The following ASTN2 variants were observed in gnomAD, a reference collection of about 807,000 sequenced individuals.
The protein encoded by ASTN2 is astrotactin-2.
A neutral mutation model predicts 139.8 loss-of-function variants in ASTN2; 54 were observed. The ratio of observed to expected loss-of-function variants is 0.39; its 90% CI spans 0.31 to 0.48. The LOEUF (loss-of-function observed/expected upper bound fraction) is 0.48. Ranked by LOEUF, ASTN2 falls within the 20% of genes least tolerant of loss-of-function variation. ASTN2 has a pLI of 0.95. For synonymous variants in ASTN2, 756 were observed against 719.5 expected (o/e 1.05, Z -0.81); for missense variants, 1,565 against 1,725.1 (o/e 0.91, Z 1.64).
At chr9:116,565,388 C>CTCTATATATATAT (rs1564120372) in intron 19 of ASTN2, among the ~76,000 whole-genome samples, 1 of 34,020 alleles carries the variant, frequency 2.9e-5, no homozygotes, top group Non-Finnish European at 4.8e-5. Context: ...TCTCTCTCTC[C>CTCTATATATATAT]ATATATATAT....
intron 13 of ASTN2, among the ~76,000 whole-genome samples, chr9:116,766,891 A>G (rs539116726): frequency 2.6e-5 from 4 of 152,040 alleles, no homozygotes; most frequent in African/African-American, 7.2e-5. Flanking sequence ...TCACACTCAC[A>G]TACACTTAAA....
chr9:116,665,330 G>A (rs1179972661), intron 16 of ASTN2, among the ~76,000 whole-genome samples: 1 of 152,174 alleles, frequency 6.6e-6, no homozygotes, highest in Non-Finnish European at 1.5e-5. Flanking sequence ...ACGTTACTGT[G>A]ATTGGGAACT....
chr9:116,887,282 T>C (rs537775048), intron 10 of ASTN2, among the ~76,000 whole-genome samples: 13 of 151,896 alleles, frequency 8.6e-5, no homozygotes, highest in Non-Finnish European at 1.9e-4. Context: ...GCACATCGTA[T>C]AAAGTCAGAG....
chr9:117,012,964 G>A (rs1837575493), intron 6 of ASTN2, among the ~76,000 whole-genome samples: 1 of 152,186 alleles, frequency 6.6e-6, no homozygotes, highest in East Asian at 1.9e-4. Context: ...TTATAGCCCA[G>A]AAAGGAAGAT....
In ASTN2 at chr9:116,513,227, C is replaced by G. The variant is rs573717271; in HGVS notation, c.3356-25727G>C. On this transcript the variant is annotated intron_variant, in intron 19 of 22. Transcript: ENST00000313400. ...ACAAAATCTCTCAGCATTTGCTTGT[C>G]TATAAAGGATTTTATTTCTCCTTCA... Among the ~76,000 whole-genome samples, 144 of 152,234 alleles carry G rather than the reference C, an allele frequency of 9.5e-4. 2 individuals carry two copies. The highest frequency in any genetic ancestry group is 3.4e-3 in the African/African-American group (140 of 41,532).
intron 10 of ASTN2, among the ~76,000 whole-genome samples, chr9:116,906,666 C>CTTGTTTTTGTTT (rs112050789): frequency 2.6e-5 from 4 of 151,034 alleles, no homozygotes; most frequent in Non-Finnish European, 5.9e-5. Context: ...GCTTCTGGAC[C>CTTGTTTTTGTTT]TTGTTTTTGT....
chr9:117,116,747 AGAGTT>A (rs1829402102), intron 4 of ASTN2, among the ~76,000 whole-genome samples: 1 of 135,504 alleles, frequency 7.4e-6, no homozygotes, highest in African/African-American at 2.7e-5. Flanking sequence ...TGTGGCCAGT[AGAGTT>A]ATTTCCAATT....
chr9:116,635,423 G>T (rs1380783399), intron 17 of ASTN2, among the ~76,000 whole-genome samples: 2 of 152,122 alleles, frequency 1.3e-5, no homozygotes, highest in African/African-American at 2.4e-5. Context: ...TGGTAAGTCT[G>T]TTCACCTTGA....
intron 13 of ASTN2, among the ~76,000 whole-genome samples, chr9:116,797,921 T>A (rs1358028490): frequency 1.3e-5 from 2 of 152,170 alleles, no homozygotes; most frequent in Non-Finnish European, 2.9e-5. Flanking sequence ...TTATTAGTGA[T>A]ACAATTTTAG....
chr9:117,026,101 TTTTC>T (rs954151099), intron 6 of ASTN2, among the ~76,000 whole-genome samples: 3 of 151,844 alleles, frequency 2.0e-5, no homozygotes, highest in African/African-American at 4.8e-5. Context: ...TATTTTTTTC[TTTTC>T]TTTCTTTTTT....
At chr9:117,139,482 G>T (rs924549330) in intron 4 of ASTN2, among the ~76,000 whole-genome samples, 2 of 152,164 alleles carry the variant, frequency 1.3e-5, no homozygotes, top group East Asian at 1.9e-4. Context: ...TAAACCTGGG[G>T]TTTCCCATAT....
chr9:117,105,045 G>A (rs960088974), intron 4 of ASTN2, among the ~76,000 whole-genome samples: 1 of 151,986 alleles, frequency 6.6e-6, no homozygotes, highest in African/African-American at 2.4e-5. Flanking sequence ...ACTCCTCCCT[G>A]TGGGATGGTA....
At chr9:116,614,489 T>C (rs1855732023) in intron 19 of ASTN2, among the ~76,000 whole-genome samples, 2 of 152,298 alleles carry the variant, frequency 1.3e-5, no homozygotes, top group South Asian at 4.1e-4. Flanking sequence ...AAGGCTACAG[T>C]AACCAAAACG....
intron 2 of ASTN2, among the ~76,000 whole-genome samples, chr9:117,248,041 C>A (rs1299487382): frequency 6.6e-6 from 1 of 152,180 alleles, no homozygotes; most frequent in Non-Finnish European, 1.5e-5. Flanking sequence ...CAGGTGTATT[C>A]ACAGACACTA....
intron 11 of ASTN2, among the ~76,000 whole-genome samples, chr9:116,854,382 T>G (rs1588355752): frequency 1.3e-5 from 2 of 152,270 alleles, no homozygotes; most frequent in East Asian, 1.9e-4. Flanking sequence ...ATTATCCCCA[T>G]TTTACTCAAC....
chr9:116,659,821 A>G (rs990906308), intron 16 of ASTN2, among the ~76,000 whole-genome samples: 1 of 152,126 alleles, frequency 6.6e-6, no homozygotes, highest in African/African-American at 2.4e-5. Flanking sequence ...ATTCTTGGAC[A>G]TTTCTAAAGA....
At chr9:117,114,795 C>G (rs1272969346) in intron 4 of ASTN2, among the ~76,000 whole-genome samples, 1 of 152,148 alleles carries the variant, frequency 6.6e-6, no homozygotes, top group African/African-American at 2.4e-5. Flanking sequence ...TCACTTAGTT[C>G]TCCTGGGACA....
intron 16 of ASTN2, among the ~76,000 whole-genome samples, chr9:116,705,770 G>T (rs2132087859): frequency 6.6e-6 from 1 of 152,258 alleles, no homozygotes; most frequent in East Asian, 1.9e-4. Context: ...AATGGTAACA[G>T]GATAGAAATG....
intron 7 of ASTN2, among the ~76,000 whole-genome samples, chr9:116,995,218 T>C (rs1836982208): frequency 6.6e-6 from 1 of 152,200 alleles, no homozygotes; most frequent in East Asian, 1.9e-4. Flanking sequence ...TCATTCTACA[T>C]ATTTCAAAGC....
Sources: gnomAD v4.1 joint callset for allele counts (sites outside exome capture counted in the v4.1 genomes callset) on GRCh38, gnomAD v4.1.1 for gene constraint, MANE v1.5 for transcripts, NCBI Gene and HGNC (gene_info 2026-07-23, HGNC 2026-07-21) for gene names.